The following SORL1 variants were observed in gnomAD, a reference collection of about 807,000 sequenced individuals.
SORL1 encodes the protein sortilin related receptor 1.
In SORL1, 127 loss-of-function variants were observed where a neutral mutation model predicts 273.7. The observed-to-expected ratio is 0.46, with a 90% CI of 0.40 to 0.54. The LOEUF (loss-of-function observed/expected upper bound fraction) is 0.54, where lower values mean the gene tolerates loss of function less well. SORL1 is among the 20% of genes least tolerant of loss of function. SORL1 has a pLI of 0.00. For missense variants in SORL1, 2,494 were observed against 2,846.1 expected (o/e 0.88, Z 2.81); for synonymous variants, 1,031 against 1,067.4 (o/e 0.97, Z 0.66).
chr11:121,570,961 C>A (rs1042770242), intron 23 of SORL1, among the ~76,000 whole-genome samples: 65 of 152,212 alleles, frequency 4.3e-4, no homozygotes, highest in African/African-American at 1.5e-3. Flanking sequence ...TCGACATTAT[C>A]TTATAAGGAG....
chr11:121,564,160 A>G (rs1209267517), intron 21 of SORL1, among the ~76,000 whole-genome samples: 1 of 152,218 alleles, frequency 6.6e-6, no homozygotes, highest in Admixed American at 6.5e-5. Context: ...GACAATTGTC[A>G]TCCTGTATAA....
chr11:121,488,666 G>A (rs1041068010), intron 4 of SORL1, among the ~76,000 whole-genome samples: 23 of 152,138 alleles, frequency 1.5e-4, no homozygotes, highest in African/African-American at 4.8e-4. Context: ...GAGTGCGTGC[G>A]TGTGTATCAT....
intron 43 of SORL1, 53 bp downstream of exon 43, chr11:121,619,970 TG>T (rs779519889): frequency 1.5e-4 from 205 of 1,408,786 alleles, no homozygotes; most frequent in Middle Eastern, 2.4e-4. Flanking sequence ...CTGGTTAGGG[TG>T]GGGTGGGATG....
At chr11:121,534,735 A>G (rs1240699983) in intron 12 of SORL1, among the ~76,000 whole-genome samples, 1 of 152,226 alleles carries the variant, frequency 6.6e-6, no homozygotes, top group African/African-American at 2.4e-5. Flanking sequence ...TGATATTCTC[A>G]GACTACAATG....
intron 2 of SORL1, among the ~76,000 whole-genome samples, chr11:121,477,165 T>C (rs1360614440): frequency 6.6e-6 from 1 of 152,196 alleles, no homozygotes; most frequent in Non-Finnish European, 1.5e-5. Context: ...TATTTTAATA[T>C]ATTCACCTAT....
chr11:121,567,423 T>G (rs1214129457), intron 22 of SORL1, among the ~76,000 whole-genome samples: 2 of 152,216 alleles, frequency 1.3e-5, no homozygotes, highest in African/African-American at 2.4e-5. Context: ...TTTATTCTTT[T>G]GCTTCTTCCT....
chr11:121,610,974 G>A (rs574183220), intron 38 of SORL1, 102 bp from the exon 39 acceptor site: 13 of 766,258 alleles, frequency 1.7e-5, no homozygotes, highest in African/African-American at 3.5e-5. Context: ...TTTCTTCCCC[G>A]ACTGAAAGAT....
intron 44 of SORL1, among the ~76,000 whole-genome samples, chr11:121,621,681 G>A (rs1863725289): frequency 6.6e-6 from 1 of 152,228 alleles, no homozygotes; most frequent in Non-Finnish European, 1.5e-5. Context: ...GGGCAGTCAG[G>A]CTCAAGTTCA....
rs777578150 is a variant in SORL1, at chr11:121,622,198, C to T, written c.6101C>T (p.Thr2034Ile). The change falls in exon 45 of 48, where the codon ACA (threonine) becomes ATA (isoleucine). Residue 2034 changes from threonine to isoleucine, a missense_variant. Thr to Ile is a moderately conservative substitution (Grantham distance 89). Transcript: ENST00000260197. ...GCACCTGATGCCTTAAAAATCATAA[C>T]AGAAAATGATCATGTTCTTCTGTTT... Reference protein sequence around the residue: ...LSAPDALKIITENDHVLLFWK... With the variant: ...LSAPDALKIIIENDHVLLFWK... The T allele has an allele frequency of 1.2e-6, 2 of 1,611,860 alleles. No individual in the cohort carries two copies. The highest frequency in any genetic ancestry group is 1.7e-5 in the Admixed American group (1 of 59,868).
At chr11:121,488,412 C>T (rs564081948) in intron 4 of SORL1, among the ~76,000 whole-genome samples, 1 of 152,332 alleles carries the variant, frequency 6.6e-6, no homozygotes, top group African/African-American at 2.4e-5. Context: ...GCACCCAGCA[C>T]TTGGCAGGCC....
At chr11:121,532,012 G>A (rs185382756) in intron 11 of SORL1, among the ~76,000 whole-genome samples, 47 of 152,286 alleles carry the variant, frequency 3.1e-4, no homozygotes, top group Admixed American at 1.5e-3. Flanking sequence ...GCTTGCTTTC[G>A]TTTACTTTTC....
chr11:121,566,810 A>G, intron 21 of SORL1, 130 bp from the exon 22 acceptor site: 2 of 849,264 alleles, frequency 2.4e-6, no homozygotes, highest in Non-Finnish European at 3.6e-6. Flanking sequence ...AAAGCTTGCC[A>G]CTTGACCCTT....
rs1421841158 is a variant in SORL1, at chr11:121,554,141, T to C, written c.2439+32T>C. ...CAGCGCTTGGTCTGACTGTGGGAGCTGTGCATCGTGACTGCCCTGTCCTGA... is the reference window on the plus strand; with the variant it reads ...CAGCGCTTGGTCTGACTGTGGGAGCCGTGCATCGTGACTGCCCTGTCCTGA... On this transcript the variant is annotated intron_variant, in intron 17 of 47. Coordinates refer to ENST00000260197, the MANE Select transcript of SORL1 (RefSeq NM_003105.6). This position sits in a 1 kb window ranked among gnomAD's most constrained non-coding sequence, Gnocchi z 4.6. 1.9e-6 allele frequency: 3 copies of C among 1,602,074 alleles called. No individual in the cohort carries two copies. The highest frequency in any genetic ancestry group is 2.6e-6 in the Non-Finnish European group (3 of 1,171,756).
chr11:121,590,281 A>G, intron 30 of SORL1, 107 bp downstream of exon 30: 2 of 1,223,936 alleles, frequency 1.6e-6, no homozygotes, highest in Non-Finnish European at 2.3e-6. Flanking sequence ...TGGGGGGCAT[A>G]TTTTTGTGAG....
intron 35 of SORL1, 80 bp from the exon 36 acceptor site, chr11:121,606,765 C>A: frequency 2.8e-4 from 182 of 661,786 alleles, no homozygotes; most frequent in Non-Finnish European, 3.0e-4. Context: ...TCGTTCTTGT[C>A]CTTGTTCTAA....
intron 25 of SORL1, among the ~76,000 whole-genome samples, chr11:121,578,628 A>G (rs1862971037): frequency 6.6e-6 from 1 of 152,052 alleles, no homozygotes; most frequent in Non-Finnish European, 1.5e-5. Context: ...TGCTCAGAGA[A>G]CCTTTGTGGA....
intron 13 of SORL1, among the ~76,000 whole-genome samples, chr11:121,544,378 C>T (rs888427369): frequency 6.6e-6 from 1 of 152,118 alleles, no homozygotes; most frequent in Non-Finnish European, 1.5e-5. Context: ...GAAGACGTCT[C>T]CCTTCTTCTC....
At position 121,488,041 on chromosome 11, in the gene SORL1, G is replaced by C. The variant is rs1861500405; in HGVS notation, c.538G>C (p.Ala180Pro). The change falls in exon 4 of 48, where the codon GCA (alanine) becomes CCA (proline). Residue 180 changes from alanine to proline, a missense_variant. Physicochemically the swap from Ala to Pro is conservative, Grantham distance 27 (BLOSUM62 -1). This residue lies in a region of SORL1 where 710 missense variants were observed against 882.5 expected (regional missense o/e 0.80). Coordinates refer to ENST00000260197, the MANE Select transcript of SORL1 (RefSeq NM_003105.6). The stretch of plus-strand genomic sequence containing the variant: ...CTGTTTTCCCTTGCAGTACATCTTT[G>C]CAGACGCTTATGCCCAGTACCTCTG... Reference protein sequence around the residue: ...SPADNKRYIFADAYAQYLWIT... With the variant: ...SPADNKRYIFPDAYAQYLWIT... The C allele has an allele frequency of 3.1e-6, 5 of 1,614,082 alleles. No homozygotes were observed. The highest frequency in any genetic ancestry group is 4.2e-6 in the Non-Finnish European group (5 of 1,179,976).
rs138324492 is a variant in SORL1 at position 121,502,952 on chromosome 11, C to T, written c.939+5903C>T. On this transcript the variant is annotated intron_variant, in intron 6 of 47. Coordinates refer to ENST00000260197, the MANE Select transcript of SORL1 (RefSeq NM_003105.6). ...CGGAGCGATTGTGGCTCACTGCAGC[C>T]GTGATCTTCGTGTGCTCAAGCAATC... is the stretch of plus-strand genomic sequence containing the variant. 2.0e-4 allele frequency among the ~76,000 whole-genome samples: 30 copies of T among 152,146 alleles called. No homozygotes were observed. The East Asian group carries it at 4.1e-3, about 21-fold the overall frequency.
Sources: allele counts gnomAD v4.1 joint callset (sites outside exome capture counted in the v4.1 genomes callset), GRCh38; gene constraint gnomAD v4.1.1; regional missense constraint gnomAD v4.1.1; non-coding constraint Gnocchi (gnomAD v3.1); transcripts MANE v1.5; gene names NCBI Gene and HGNC (gene_info 2026-07-23, HGNC 2026-07-21).